CDON: variants seen among roughly 807,000 people sequenced by gnomAD.
CDON encodes the protein cell adhesion molecule-related/down-regulated by oncogenes.
A neutral mutation model predicts 120.9 loss-of-function variants in CDON; 73 were observed. The observed-to-expected ratio is 0.60, with a 90% CI of 0.50 to 0.73. CDON has a LOEUF of 0.73. CDON is among the 30% of genes least tolerant of loss of function. The pLI is 0.00. For missense variants in CDON, 1,470 were observed against 1,587.3 expected (o/e 0.93, Z 1.26); for synonymous variants, 566 against 573.5 (o/e 0.99, Z 0.19).
At chr11:126,019,318 A>G (rs1947562711) in intron 4 of CDON, among the ~76,000 whole-genome samples, 1 of 152,240 alleles carries the variant, frequency 6.6e-6, no homozygotes, top group Non-Finnish European at 1.5e-5. Flanking sequence ...GATCAATTCT[A>G]TAAAGAAAAG....
At chr11:126,035,134 C>T (rs1457344174) in intron 1 of CDON, among the ~76,000 whole-genome samples, 1 of 152,174 alleles carries the variant, frequency 6.6e-6, no homozygotes, top group East Asian at 1.9e-4. Context: ...GACTCACCCT[C>T]ATGGGGTTTG....
chr11:125,970,177 T>G (rs936118268), intron 18 of CDON, among the ~76,000 whole-genome samples: 1 of 123,864 alleles, frequency 8.1e-6, no homozygotes, highest in Admixed American at 8.2e-5. Flanking sequence ...TTTATGTTTT[T>G]TTTTTTTTTT....
chr11:125,973,545 A>G (rs1162226594), intron 18 of CDON, among the ~76,000 whole-genome samples: 1 of 152,128 alleles, frequency 6.6e-6, no homozygotes, highest in Non-Finnish European at 1.5e-5. Context: ...AACAAAAACA[A>G]AAACAAAAAC....
chr11:125,970,206 TGCTCTGTC>T lies in CDON; in HGVS notation c.3356+8090_3356+8097del, dbSNP rs576527178. ...TTTTTTTTTTTTTGAGACAGAGTCT[TGCTCTGTC>T]GCCAGGCTGGAGTGCAGTGGCGCGA... On this transcript the variant is annotated intron_variant, in intron 18 of 19. Coordinates refer to ENST00000531738, the MANE Select transcript of CDON (RefSeq NM_001378964.1). Among the ~76,000 whole-genome samples the T allele has an allele frequency of 4.8e-3, 717 of 149,298 alleles. 3 individuals carry two copies. Among genetic ancestry groups the T allele is most frequent in the Admixed American group, 8.2e-3 (122 of 14,914 alleles).
chr11:126,046,943 T>C (rs541917436), intron 1 of CDON, among the ~76,000 whole-genome samples: 7 of 152,188 alleles, frequency 4.6e-5, no homozygotes, highest in Admixed American at 2.6e-4. Flanking sequence ...AAAAGAAAAG[T>C]AGGAAACCTG....
At chr11:125,985,134 T>C (rs1203301040) in intron 15 of CDON, among the ~76,000 whole-genome samples, 2 of 152,142 alleles carry the variant, frequency 1.3e-5, no homozygotes, top group African/African-American at 4.8e-5. Flanking sequence ...CCTCCACTTA[T>C]CATTAGCTGT....
intron 18 of CDON, among the ~76,000 whole-genome samples, chr11:125,963,176 T>A (rs1234453999): frequency 6.6e-6 from 1 of 152,148 alleles, no homozygotes; most frequent in Non-Finnish European, 1.5e-5. Flanking sequence ...AAGGGTAGAC[T>A]CTTATTCAGT....
intron 7 of CDON, among the ~76,000 whole-genome samples, chr11:126,013,299 T>C (rs1947359482): frequency 6.6e-6 from 1 of 152,232 alleles, no homozygotes; most frequent in African/African-American, 2.4e-5. Flanking sequence ...TTTTCCTTTC[T>C]TGCACCATCT....
Position 126,001,762 on chromosome 11 carries a change from G to A in CDON, c.2115C>T (p.Asn705=), listed in dbSNP as rs1946951118. ...KYPVVSEAAN[N]NFGVVLTDSS... ...AATCTGTAAGTACCACTCCAAAATT[G>A]TTGTTTGCAGCCTCTGAAACAACGG... Residue 705 remains asparagine (N), a synonymous_variant, in exon 11 of 20, where the codon AAC becomes AAT. Transcript: ENST00000531738. The A allele has an allele frequency of 6.2e-7, 1 of 1,613,604 alleles. No homozygotes were observed. The highest frequency in any genetic ancestry group is 1.1e-5 in the South Asian group (1 of 91,078).
intron 18 of CDON, among the ~76,000 whole-genome samples, chr11:125,977,330 AG>A (rs1402028048): frequency 6.6e-6 from 1 of 152,234 alleles, no homozygotes; most frequent in Non-Finnish European, 1.5e-5. Context: ...CTCAAAACAC[AG>A]GCTGGAACAA....
At chr11:126,048,173 T>C (rs898407254) in intron 1 of CDON, among the ~76,000 whole-genome samples, 2 of 151,348 alleles carry the variant, frequency 1.3e-5, no homozygotes, top group African/African-American at 2.4e-5. Flanking sequence ...GCTACTCTAA[T>C]TGGGAGGCTG....
intron 12 of CDON, among the ~76,000 whole-genome samples, chr11:125,995,575 G>A (rs1272647742): frequency 6.6e-6 from 1 of 152,228 alleles, no homozygotes; most frequent in African/African-American, 2.4e-5. Context: ...AGAGGGAGCA[G>A]ATTTAACTAC....
intron 1 of CDON, among the ~76,000 whole-genome samples, chr11:126,039,556 ACTAAT>A (rs1271023029): frequency 4.6e-5 from 7 of 152,230 alleles, no homozygotes; most frequent in Non-Finnish European, 8.8e-5. Context: ...TCAAAAAACA[ACTAAT>A]CTAGAGACTT....
Position 126,034,750 on chromosome 11 carries a change from T to C in CDON, c.-61-11213A>G, listed in dbSNP as rs1050896694. On this transcript the variant is annotated intron_variant, in intron 1 of 19. Coordinates refer to ENST00000531738, the MANE Select transcript of CDON (RefSeq NM_001378964.1). This position sits in a 1 kb window ranked among gnomAD's most constrained non-coding sequence, Gnocchi z 4.5. ...GAGAGATTATTAAAAAGACAAAATA[T>C]AGAAAATTTCAAGGGGATTATTTTG... Among the ~76,000 whole-genome samples, 4 of 152,090 alleles carry C rather than the reference T, an allele frequency of 2.6e-5. No individual in the cohort carries two copies. The highest frequency in any genetic ancestry group is 4.8e-5 in the African/African-American group (2 of 41,412).
chr11:125,997,121 C>G (rs143998213), intron 12 of CDON, 86 bp downstream of exon 12: 1 of 1,111,136 alleles, frequency 9.0e-7, no homozygotes, highest in African/African-American at 1.6e-5. Context: ...CCTGGGCCAA[C>G]AGAGTGAGAC....
intron 1 of CDON, among the ~76,000 whole-genome samples, chr11:126,060,868 A>G (rs1036772788): frequency 6.6e-5 from 10 of 152,244 alleles, no homozygotes; most frequent in African/African-American, 2.4e-4. Flanking sequence ...GGCGTAAGCT[A>G]GATTTAGAAG....
chr11:126,061,130 G>C (rs1948784629), intron 1 of CDON, among the ~76,000 whole-genome samples: 3 of 152,182 alleles, frequency 2.0e-5, no homozygotes, highest in African/African-American at 7.2e-5. Flanking sequence ...TTGCATGAAA[G>C]TTAAACAGTA....
rs575374308 is a variant in CDON, at chr11:126,023,441, C to G, written c.36G>C (p.Leu12=). 1 of 1,613,360 alleles carries G rather than the reference C, an allele frequency of 6.2e-7. No individual in the cohort carries two copies. Among genetic ancestry groups the G allele is most frequent in the South Asian group, 1.1e-5 (1 of 91,062 alleles). The change falls in exon 2 of 20, where the codon CTG becomes CTC. Residue 12 remains leucine (L), a synonymous_variant. Coordinates refer to ENST00000531738, the MANE Select transcript of CDON (RefSeq NM_001378964.1). ...HPDLGPLCTL[L]YVTLTILCSS... Reference sequence around the variant, plus strand: ...AGCACAGAATTGTAAGAGTAACATACAGCAGTGTACATAAGGGTCCAAGAT... The same window carrying G: ...AGCACAGAATTGTAAGAGTAACATAGAGCAGTGTACATAAGGGTCCAAGAT...
rs145037993 is a variant in CDON at position 125,961,178 on chromosome 11, C to T, written c.3632-73G>A. The stretch of plus-strand genomic sequence containing the variant: ...TTTTTACAAAGCAGTCTAAAAACTT[C>T]TTCACACTTTGAGCCAAGAAGAAAG... On this transcript the variant is annotated intron_variant, in intron 19 of 19. Coordinates refer to ENST00000531738, the MANE Select transcript of CDON (RefSeq NM_001378964.1). 561 of 1,372,714 alleles carry T rather than the reference C, an allele frequency of 4.1e-4. 2 individuals carry two copies. The African/African-American group carries it at 7.3e-3, about 18-fold the overall frequency. 85.0% of individuals were successfully genotyped at this position (1,372,714 alleles called of 1,614,324 possible).
Sources: allele counts gnomAD v4.1 joint callset (sites outside exome capture counted in the v4.1 genomes callset), GRCh38; gene constraint gnomAD v4.1.1; non-coding constraint Gnocchi (gnomAD v3.1); transcripts MANE v1.5; gene names NCBI Gene and HGNC (gene_info 2026-07-23, HGNC 2026-07-21).